The following POLQ variants were observed in gnomAD, a reference collection of about 807,000 sequenced individuals.
POLQ encodes the protein DNA polymerase theta, also known as epididymis secretory sperm binding protein.
POLQ carries 233 observed loss-of-function variants against 259.2 expected under a neutral mutation model. The ratio of observed to expected loss-of-function variants is 0.90; its 90% CI spans 0.81 to 1.00. The LOEUF (loss-of-function observed/expected upper bound fraction) is 1.00. Ranked by LOEUF, POLQ falls within the 50% of genes least tolerant of loss-of-function variation. The pLI is 0.00. For synonymous variants in POLQ, 1,025 were observed against 1,048.8 expected, an observed-to-expected ratio of 0.98 and a Z score of 0.44; for missense variants, 2,871 against 3,051.6, an observed-to-expected ratio of 0.94 and a Z score of 1.39.
At chr3:121,508,964 A>G (rs1354695067) in intron 12 of POLQ, among the ~76,000 whole-genome samples, 1 of 78,808 alleles carries the variant, frequency 1.3e-5, no homozygotes, top group Non-Finnish European at 2.7e-5. Flanking sequence ...ATTGTCTAAT[A>G]TAAACAAACT....
At chr3:121,512,060 C>A (rs1400406163) in intron 9 of POLQ, 31 bp from the exon 10 acceptor site, 2 of 1,588,998 alleles carry the variant, frequency 1.3e-6, no homozygotes, top group South Asian at 1.1e-5. Context: ...TTTGCAAAAT[C>A]CCAATATAGT....
At chr3:121,491,946 G>T (rs1186336322) in intron 15 of POLQ, among the ~76,000 whole-genome samples, 1 of 152,198 alleles carries the variant, frequency 6.6e-6, no homozygotes, top group Non-Finnish European at 1.5e-5. Flanking sequence ...AATTGTACAT[G>T]CAAGGAATCT....
chr3:121,494,770 T>C (rs1477980416), intron 14 of POLQ: 2 of 1,508,930 alleles, frequency 1.3e-6, no homozygotes, highest in Non-Finnish European at 1.8e-6. Flanking sequence ...TGGTGGAAGT[T>C]ATCAGGACCA....
chr3:121,492,966 A>C (rs1269063088), intron 15 of POLQ, among the ~76,000 whole-genome samples: 1 of 152,000 alleles, frequency 6.6e-6, no homozygotes, highest in East Asian at 1.9e-4. Context: ...TCTAGCAGGA[A>C]TGTTTTTAAG....
In POLQ at chr3:121,545,895, C is replaced by T. The variant is rs1362548797; in HGVS notation, c.-18G>A. ...AGATTCATGGCAAACTCTTCTCGGC[C>T]GATCAGGGCAAGCCACAGTCCCAGC... On this transcript the variant is annotated 5_prime_UTR_variant, in exon 1 of 30. Coordinates refer to ENST00000264233, the MANE Select transcript of POLQ (RefSeq NM_199420.4). The T allele has an allele frequency of 3.7e-6, 6 of 1,612,378 alleles. No individual in the cohort carries two copies. Among genetic ancestry groups the T allele is most frequent in the Non-Finnish European group, 3.4e-6 (4 of 1,179,748 alleles).
At chr3:121,527,841 G>A (rs2048383588) in intron 7 of POLQ, among the ~76,000 whole-genome samples, 1 of 152,100 alleles carries the variant, frequency 6.6e-6, no homozygotes, top group African/African-American at 2.4e-5. Flanking sequence ...AAGTACATAA[G>A]AAACATGATA....
At chr3:121,494,006 A>C in intron 14 of POLQ, 2 of 604,854 alleles carry the variant, frequency 3.3e-6, no homozygotes, top group Non-Finnish European at 5.8e-6. Flanking sequence ...AACACAAAAC[A>C]AACAAGAAGC....
chr3:121,435,761 T>C (rs554657191), intron 28 of POLQ, among the ~76,000 whole-genome samples: 1 of 152,300 alleles, frequency 6.6e-6, no homozygotes, highest in Non-Finnish European at 1.5e-5. Context: ...AAGCCAAACA[T>C]TAAAGAGATT....
At chr3:121,473,120 T>C (rs2047898935) in intron 21 of POLQ, among the ~76,000 whole-genome samples, 1 of 152,214 alleles carries the variant, frequency 6.6e-6, no homozygotes, top group Non-Finnish European at 1.5e-5. Context: ...TACACCATTT[T>C]AATGATAGGA....
intron 9 of POLQ, among the ~76,000 whole-genome samples, chr3:121,512,663 A>T (rs2048263981): frequency 6.6e-6 from 1 of 152,218 alleles, no homozygotes; most frequent in African/African-American, 2.4e-5. Context: ...CATCAAATAA[A>T]GTTTATATGC....
At chr3:121,437,553 G>A (rs184695201) in intron 27 of POLQ, among the ~76,000 whole-genome samples, 5 of 152,246 alleles carry the variant, frequency 3.3e-5, no homozygotes, top group South Asian at 4.1e-4. Context: ...AGCAAGTGTC[G>A]ACAAGAATGC....
intron 24 of POLQ, among the ~76,000 whole-genome samples, chr3:121,467,046 T>C (rs1009913899): frequency 3.3e-5 from 5 of 152,066 alleles, no homozygotes; most frequent in African/African-American, 1.2e-4. Context: ...AGAATGAGAA[T>C]AGCCTTAGGG....
Position 121,541,449 on chromosome 3 carries a change from G to C in POLQ, c.374C>G (p.Ala125Gly), listed in dbSNP as rs902973589. The C allele has an allele frequency of 1.9e-6, 3 of 1,609,676 alleles. No homozygotes were observed. The highest frequency in any genetic ancestry group is 2.5e-6 in the Non-Finnish European group (3 of 1,177,902). Residue 125 changes from alanine (A) to glycine (G), a missense_variant, in exon 3 of 30, where the codon GCA becomes GGA. This residue lies in a region of POLQ where 783 missense variants were observed against 906.2 expected (regional missense o/e 0.86). Transcript: ENST00000264233. ...APTSAGKTLV[A>G]ELLILKRVLE... is the part of the protein sequence containing the mutation. The stretch of plus-strand genomic sequence containing the variant: ...AACCCGCTTCAAAATAAGTAATTCT[G>C]CCACAAGAGTCTTCCCAGCACTTGT...
At position 121,488,295 on chromosome 3, in the gene POLQ, G is replaced by C; in HGVS notation, c.4636C>G (p.Gln1546Glu). 1 of 1,612,324 alleles carries C rather than the reference G, an allele frequency of 6.2e-7. No individual in the cohort carries two copies. Among genetic ancestry groups the C allele is most frequent in the Admixed American group, 1.7e-5 (1 of 59,850 alleles). The change falls in exon 16 of 30, where the codon CAG becomes GAG. Residue 1546 changes from glutamine (Q) to glutamate (E), a missense_variant. Around this residue, in one of 3 missense-constraint regions of POLQ, gnomAD observed 2,080 missense variants for 2,126.0 expected, o/e 0.98. Coordinates refer to ENST00000264233, the MANE Select transcript of POLQ (RefSeq NM_199420.4). ...SNVNENQDTH[Q>E]QLTCSNDESI... The stretch of plus-strand genomic sequence containing the variant: ...TCATCATTGGAACAAGTCAACTGCT[G>C]GTGGGTATCTTGATTCTCATTTACA...
intron 24 of POLQ, among the ~76,000 whole-genome samples, chr3:121,461,232 G>A (rs552513631): frequency 2.6e-5 from 4 of 152,206 alleles, no homozygotes; most frequent in Admixed American, 2.0e-4. Context: ...AGTGTCTATC[G>A]AAATTAAACA....
chr3:121,540,896 A>ATT (rs59706476), intron 3 of POLQ, among the ~76,000 whole-genome samples: 198 of 146,520 alleles, frequency 1.4e-3, no homozygotes, highest in Admixed American at 2.0e-3. Context: ...AATTTTTTTA[A>ATT]TTTTTTTTTT....
In POLQ at chr3:121,489,054, CT is replaced by C. The variant is rs1292419657; in HGVS notation, c.3876del (p.Glu1293LysfsTer19). The C allele has an allele frequency of 1.2e-6, 2 of 1,612,876 alleles. 1 individual carries two copies. Among genetic ancestry groups the C allele is most frequent in the South Asian group, 2.2e-5 (2 of 90,834 alleles). On this transcript the variant is annotated frameshift_variant, in exon 16 of 30. Transcript: ENST00000264233. LOFTEE classifies it high-confidence loss of function. ...TTTGTTGTATAAGTACCTGTTTTTT[CT>C]TGTAGTCTAGAAATATTTAGAAAAT... ...HENFLNISRLQEKTGTYTTNK... is the reference protein window; with the variant it reads ...HENFLNISRLXEKTGTYTTNK...
At chr3:121,486,619 T>A (rs1275577450) in intron 16 of POLQ, among the ~76,000 whole-genome samples, 1 of 152,102 alleles carries the variant, frequency 6.6e-6, no homozygotes, top group African/African-American at 2.4e-5. Context: ...ATCCCAGCAC[T>A]TTGAAAGGCC....
Position 121,483,573 on chromosome 3 carries a change from G to T in POLQ, c.5783C>A (p.Ala1928Asp). ...ATCTAAAGAAGGTGGAACCAAACTG[G>T]CACTAATTTCTTTAAAAAAAAAAAA... ...QKEQKHSEIS[A>D]SLVPPSLDPS... The change falls in exon 18 of 30, where the codon GCC (alanine) becomes GAC (aspartate). Residue 1928 changes from alanine (A) to aspartate (D), a missense_variant. Physicochemically the swap from Ala to Asp is moderately radical, Grantham distance 126. This residue lies in a region of POLQ where 2,080 missense variants were observed against 2,126.0 expected (regional missense o/e 0.98). Coordinates refer to ENST00000264233, the MANE Select transcript of POLQ (RefSeq NM_199420.4). 1 of 1,499,002 alleles carries T rather than the reference G, an allele frequency of 6.7e-7. No homozygotes were observed. Among genetic ancestry groups the T allele is most frequent in the Non-Finnish European group, 8.9e-7 (1 of 1,128,328 alleles). The allele number at this position is 1,499,002 out of a possible 1,614,324, so 92.9% of individuals were successfully genotyped here. A position where few individuals can be genotyped will look rare whatever the true frequency, so the allele number is the denominator to read the frequency against.
Sources: allele counts gnomAD v4.1 joint callset (sites outside exome capture counted in the v4.1 genomes callset), GRCh38; gene constraint gnomAD v4.1.1; regional missense constraint gnomAD v4.1.1; transcripts MANE v1.5; gene names NCBI Gene and HGNC (gene_info 2026-07-23, HGNC 2026-07-21).